The following ZFHX3 variants were observed in gnomAD, a reference collection of about 807,000 sequenced individuals.
ZFHX3 encodes the protein zinc finger homeobox 3, also known as zinc finger homeobox protein 3.
Under a neutral mutation model 279.1 loss-of-function variants are expected in ZFHX3, and 42 were observed. The observed-to-expected ratio is 0.15, with a 90% confidence interval of 0.12 to 0.19. ZFHX3 has a LOEUF of 0.19. ZFHX3 is among the 10% of genes least tolerant of loss of function. The pLI is 1.00. For synonymous variants in ZFHX3, 2,293 were observed against 1,957.8 expected, an observed-to-expected ratio of 1.17 and a Z score of -4.52; for missense variants, 4,981 against 4,754.0, an observed-to-expected ratio of 1.05 and a Z score of -1.40.
At chr16:73,564,046 G>C (rs1567520036) in intron 2 of ZFHX3, among the ~76,000 whole-genome samples, 1 of 152,192 alleles carries the variant, frequency 6.6e-6, no homozygotes, top group African/African-American at 2.4e-5. Flanking sequence ...ACACACTAGG[G>C]ATAGACCATA....
At chr16:72,841,574 G>A (rs767301655) in intron 4 of ZFHX3, among the ~76,000 whole-genome samples, 5 of 152,008 alleles carry the variant, frequency 3.3e-5, no homozygotes, top group African/African-American at 4.8e-5. Flanking sequence ...ACAATGAAAC[G>A]GTCTTTTGCT....
chr16:73,396,425 A>AT (rs56142534), intron 3 of ZFHX3, among the ~76,000 whole-genome samples: 108,799 of 151,786 alleles, frequency 0.72, 40,249 homozygotes, highest in Non-Finnish European at 0.83. Flanking sequence ...AGACTCATTT[A>AT]TTTTTTTTCA....
chr16:73,374,530 CA>C (rs1191316191), intron 3 of ZFHX3, among the ~76,000 whole-genome samples: 9 of 152,204 alleles, frequency 5.9e-5, no homozygotes, highest in African/African-American at 1.9e-4. Flanking sequence ...ACATAACTAT[CA>C]TACCATGATC....
chr16:72,998,485 A>G (rs1216032702), intron 1 of ZFHX3, among the ~76,000 whole-genome samples: 7 of 152,216 alleles, frequency 4.6e-5, no homozygotes, highest in African/African-American at 1.7e-4. Context: ...CTGTCTACAC[A>G]TTATTTCAAA....
rs75570161 is a variant in ZFHX3 at position 73,670,217 on chromosome 16, A to G, written c.-1547+9963T>C. On this transcript the variant is annotated intron_variant, in intron 2 of 17. Transcript: ENST00000641206. ...AAGACTACAGCAGAAAGATCTTTACATTGTTGGTTTGCATCCAGCCCAAGT... is the reference window on the plus strand; with the variant it reads ...AAGACTACAGCAGAAAGATCTTTACGTTGTTGGTTTGCATCCAGCCCAAGT... Among the ~76,000 whole-genome samples the G allele has an allele frequency of 2.5e-3, 379 of 152,316 alleles. 2 individuals are homozygous for G. The highest frequency in any genetic ancestry group is 8.5e-3 in the African/African-American group (354 of 41,576).
At chr16:73,811,639 G>A (rs1187367615) in intron 1 of ZFHX3, among the ~76,000 whole-genome samples, 1 of 151,850 alleles carries the variant, frequency 6.6e-6, no homozygotes, top group East Asian at 1.9e-4. Flanking sequence ...TAGAGATGGG[G>A]TTTCACCATG....
intron 1 of ZFHX3, among the ~76,000 whole-genome samples, chr16:73,803,415 A>G (rs1960191708): frequency 6.6e-6 from 1 of 152,212 alleles, no homozygotes; most frequent in Non-Finnish European, 1.5e-5. Flanking sequence ...ATACTCCAAT[A>G]TATTACTGAA....
At chr16:73,843,988 T>C (rs1371297058) in intron 1 of ZFHX3, among the ~76,000 whole-genome samples, 1 of 152,248 alleles carries the variant, frequency 6.6e-6, no homozygotes, top group East Asian at 1.9e-4. Flanking sequence ...GAAATCATTC[T>C]TAGCTGCCAG....
intron 1 of ZFHX3, among the ~76,000 whole-genome samples, chr16:73,805,618 T>C (rs1960256657): frequency 1.3e-5 from 2 of 152,244 alleles, no homozygotes; most frequent in South Asian, 4.1e-4. Flanking sequence ...AAATCACTTA[T>C]TCATTTATTG....
In ZFHX3 at chr16:73,598,037, G is replaced by T. The variant is rs78646628; in HGVS notation, c.-1547+82143C>A. Among the ~76,000 whole-genome samples, 579 of 152,276 alleles carry T rather than the reference G, an allele frequency of 3.8e-3. 5 individuals carry two copies. The highest frequency in any genetic ancestry group is 0.014 in the African/African-American group (562 of 41,536). ...ATGGCTCCCAAATATCTCTTCATGA[G>T]GGGGTACTTCAAATGTGATTCAATA... On this transcript the variant is annotated intron_variant, in intron 2 of 17. Coordinates refer to the ZFHX3 transcript ENST00000641206.
intron 4 of ZFHX3, among the ~76,000 whole-genome samples, chr16:73,280,086 G>T (rs1170026868): frequency 6.6e-6 from 1 of 152,070 alleles, no homozygotes. Context: ...AATGAAATTG[G>T]ACCCCTGTTG....
intron 4 of ZFHX3, among the ~76,000 whole-genome samples, chr16:72,840,603 C>T (rs2037322125): frequency 6.6e-6 from 1 of 152,206 alleles, no homozygotes; most frequent in East Asian, 1.9e-4. Flanking sequence ...CTCCAGAGGT[C>T]TGAGTCACAT....
intron 2 of ZFHX3, among the ~76,000 whole-genome samples, chr16:73,671,672 G>C (rs974676400): frequency 2.0e-5 from 3 of 152,192 alleles, no homozygotes; most frequent in African/African-American, 7.2e-5. Context: ...TAATGAGGAA[G>C]TCTAAGAAAG....
At chr16:73,881,396 C>A (rs2030145065) in intron 1 of ZFHX3, among the ~76,000 whole-genome samples, 1 of 148,298 alleles carries the variant, frequency 6.7e-6, no homozygotes, top group Non-Finnish European at 1.5e-5. Context: ...CGTATTGGAC[C>A]CAGGAAGGTT....
intron 3 of ZFHX3, among the ~76,000 whole-genome samples, chr16:72,933,417 T>G (rs1379235396): frequency 2.6e-5 from 4 of 152,144 alleles, no homozygotes; most frequent in Non-Finnish European, 5.9e-5. Flanking sequence ...CATTTCACCA[T>G]TAGGTTTTAG....
rs901169601 is a variant in ZFHX3, at chr16:73,284,089, C to T, written c.-1193-26953G>A. ...ACCCCAGCACTTTGGGGGGCCGAGGCGGGTGGATCATGAGGTCAAGAGTTC... is the reference window on the plus strand; with the variant it reads ...ACCCCAGCACTTTGGGGGGCCGAGGTGGGTGGATCATGAGGTCAAGAGTTC... On this transcript the variant is annotated intron_variant, in intron 4 of 17. Coordinates refer to the ZFHX3 transcript ENST00000641206. Among the ~76,000 whole-genome samples, 6 of 152,112 alleles carry T rather than the reference C, an allele frequency of 3.9e-5. No individual in the cohort carries two copies. The East Asian group carries it at 5.8e-4, about 15-fold the overall frequency.
At chr16:73,682,918 GAGAAAGAGAAAGAAAGAA>G (rs2053033361) in intron 1 of ZFHX3, among the ~76,000 whole-genome samples, 1 of 39,330 alleles carries the variant, frequency 2.5e-5, no homozygotes, top group Non-Finnish European at 5.4e-5. Flanking sequence ...GAAAGAAAGA[GAGAAAGAGAAAGAAAGAA>G]AGAAAGAAAG....
intron 3 of ZFHX3, among the ~76,000 whole-genome samples, chr16:73,442,616 T>C (rs779361929): frequency 1.3e-4 from 20 of 152,224 alleles, no homozygotes; most frequent in Admixed American, 6.5e-4. Context: ...GAATTCCGAA[T>C]AGAATTCCCA....
intron 5 of ZFHX3, among the ~76,000 whole-genome samples, chr16:73,194,398 C>A (rs539775350): frequency 3.8e-4 from 58 of 152,196 alleles, no homozygotes; most frequent in African/African-American, 1.3e-3. Flanking sequence ...TGGGGTTTCA[C>A]CATGTTATCC....
Sources: gnomAD v4.1 joint callset for allele counts (sites outside exome capture counted in the v4.1 genomes callset) on GRCh38, gnomAD v4.1.1 for gene constraint, MANE v1.5 for transcripts, NCBI Gene and HGNC (gene_info 2026-07-23, HGNC 2026-07-21) for gene names.